The following LANCL3 variants were observed in gnomAD, a reference collection of about 807,000 sequenced individuals.
LANCL3 encodes lanC-like protein 3.
A neutral mutation model predicts 26.5 loss-of-function variants in LANCL3; 19 were observed. The ratio of observed to expected loss-of-function variants is 0.72; its 90% confidence interval spans 0.50 to 1.05. LANCL3 has a LOEUF of 1.05. LANCL3 is among the 50% of genes least tolerant of loss of function. The probability of loss-of-function intolerance (pLI) is 0.00; values close to 1 mark genes in which losing one functional copy is unlikely to be tolerated. For missense variants in LANCL3, 318 were observed against 362.7 expected (o/e 0.88, Z 1.00); for synonymous variants, 160 against 166.6 (o/e 0.96, Z 0.30).
At chrX:37,621,582 A>G (rs1315101712) in intron 1 of LANCL3, among the ~76,000 whole-genome samples, 4 of 112,496 alleles carry the variant, frequency 3.6e-5, no homozygotes, top group Admixed American at 1.9e-4. Flanking sequence ...ACTTTTTTCT[A>G]TTTTCCTCAG....
At position 37,678,561 on chromosome X, in the gene LANCL3, G is replaced by A. The variant is rs1239721104; in HGVS notation, c.*2748G>A. Reference sequence around the variant, plus strand: ...TATGCTTTGATAGCAAGACATTTTGGAAACCATTACAACTCTGTGTATTTT... The same window carrying A: ...TATGCTTTGATAGCAAGACATTTTGAAAACCATTACAACTCTGTGTATTTT... On this transcript the variant is annotated 3_prime_UTR_variant, in exon 5 of 5. Transcript: ENST00000378619. The A allele has an allele frequency of 1.8e-5, 2 of 111,342 alleles. No homozygotes were observed. Among genetic ancestry groups the A allele is most frequent in the Non-Finnish European group, 3.8e-5 (2 of 52,928 alleles). 9.2% of individuals were successfully genotyped at this position (111,342 alleles called of 1,213,427 possible).
intron 1 of LANCL3, among the ~76,000 whole-genome samples, chrX:37,585,263 G>A (rs1389539968): frequency 1.8e-5 from 2 of 111,838 alleles, no homozygotes; most frequent in Non-Finnish European, 3.8e-5. Flanking sequence ...TGAAAAGAAT[G>A]TCTATTCTGT....
intron 1 of LANCL3, among the ~76,000 whole-genome samples, chrX:37,626,960 G>A (rs912362788): frequency 8.1e-5 from 9 of 111,795 alleles, no homozygotes; most frequent in Non-Finnish European, 1.5e-4. Flanking sequence ...GAGTATTATG[G>A]GAAGGCTGTG....
chrX:37,606,893 C>T (rs1264881046), intron 1 of LANCL3, among the ~76,000 whole-genome samples: 2 of 112,514 alleles, frequency 1.8e-5, no homozygotes, highest in African/African-American at 6.4e-5. Flanking sequence ...CCCTTAAGAG[C>T]CCATTTGCTT....
rs1174780859 is a variant in LANCL3, at chrX:37,683,233, G to A, written c.*7420G>A. ...TACATTTCACAAACTGCACATTAGG[G>A]CAATTTCTTACTTATGAGGAGGTAC... On this transcript the variant is annotated 3_prime_UTR_variant, in exon 5 of 5. Coordinates refer to ENST00000378619, the MANE Select transcript of LANCL3 (RefSeq NM_001170331.2). The A allele has an allele frequency of 9.0e-6, 1 of 111,100 alleles. No homozygotes were observed. Among genetic ancestry groups the A allele is most frequent in the Non-Finnish European group, 1.9e-5 (1 of 52,932 alleles). 9.2% of individuals were successfully genotyped at this position (111,100 alleles called of 1,213,427 possible). A position where few individuals can be genotyped will look rare whatever the true frequency, so the allele number is the denominator to read the frequency against.
At chrX:37,589,943 C>G (rs374716407) in intron 1 of LANCL3, among the ~76,000 whole-genome samples, 2 of 112,231 alleles carry the variant, frequency 1.8e-5, no homozygotes, top group East Asian at 5.6e-4. Context: ...ATTGAGTGGG[C>G]ATCACCCCTA....
intron 1 of LANCL3, among the ~76,000 whole-genome samples, chrX:37,630,553 T>G (rs1337980281): frequency 9.3e-6 from 1 of 108,028 alleles, no homozygotes; most frequent in Admixed American, 1.0e-4. Flanking sequence ...ATGCTTCCAG[T>G]TTTTGCCCAT....
chrX:37,585,707 GT>G (rs1556417839), intron 1 of LANCL3, among the ~76,000 whole-genome samples: 2 of 111,377 alleles, frequency 1.8e-5, no homozygotes, highest in Non-Finnish European at 3.8e-5. Context: ...TGTGAGATGG[GT>G]TTCCTGAATA....
intron 1 of LANCL3, among the ~76,000 whole-genome samples, chrX:37,653,668 G>C (rs1195717697): frequency 1.8e-5 from 2 of 112,181 alleles, no homozygotes; most frequent in African/African-American, 6.5e-5. Flanking sequence ...AAGACACAAA[G>C]AGTAAATGTT....
intron 4 of LANCL3, among the ~76,000 whole-genome samples, chrX:37,670,145 A>C (rs1408750082): frequency 8.9e-6 from 1 of 112,111 alleles, no homozygotes; most frequent in African/African-American, 3.2e-5. Context: ...AAATTTTAGA[A>C]TTGAAGTCAT....
At chrX:37,626,067 T>G (rs1246738184) in intron 1 of LANCL3, among the ~76,000 whole-genome samples, 1 of 112,200 alleles carries the variant, frequency 8.9e-6, no homozygotes, top group Admixed American at 9.5e-5. Flanking sequence ...TGGAAAGCAG[T>G]ACAGTTACAT....
intron 1 of LANCL3, among the ~76,000 whole-genome samples, chrX:37,628,530 C>T (rs1456831815): frequency 8.5e-5 from 9 of 105,979 alleles, no homozygotes; most frequent in Non-Finnish European, 1.8e-4. Context: ...ATGTGCCATG[C>T]TGGTGTGCTG....
At chrX:37,624,957 C>T (rs781849754) in intron 1 of LANCL3, among the ~76,000 whole-genome samples, 4 of 111,795 alleles carry the variant, frequency 3.6e-5, no homozygotes, top group Non-Finnish European at 7.5e-5. Context: ...ACTTTCATGG[C>T]ACCCCCTTGT....
chrX:37,673,190 CT>C (rs1926722560), intron 4 of LANCL3, among the ~76,000 whole-genome samples: 1 of 111,248 alleles, frequency 9.0e-6, no homozygotes, highest in East Asian at 2.8e-4. Context: ...GCTATGTGCC[CT>C]TTGTGATTTC....
intron 1 of LANCL3, among the ~76,000 whole-genome samples, chrX:37,605,853 C>CT (rs1361282016): frequency 3.9e-4 from 44 of 111,862 alleles, no homozygotes; most frequent in African/African-American, 1.4e-3. Context: ...TCTGCATTTT[C>CT]TTTTTTTCTG....
At chrX:37,653,206 A>G (rs1926200520) in intron 1 of LANCL3, among the ~76,000 whole-genome samples, 1 of 111,095 alleles carries the variant, frequency 9.0e-6, no homozygotes, top group Non-Finnish European at 1.9e-5. Context: ...TTCGGGATAG[A>G]AAGAAAGGGG....
chrX:37,589,324 G>A (rs1924205269), intron 1 of LANCL3, among the ~76,000 whole-genome samples: 1 of 111,604 alleles, frequency 9.0e-6, no homozygotes, highest in African/African-American at 3.3e-5. Context: ...TTGACTTTAA[G>A]CAAGTTATTT....
chrX:37,590,240 T>G (rs1430108774), intron 1 of LANCL3, among the ~76,000 whole-genome samples: 1 of 112,768 alleles, frequency 8.9e-6, no homozygotes, highest in Non-Finnish European at 1.9e-5. Flanking sequence ...TTTCTAGAGA[T>G]AATTTGCTTA....
chrX:37,620,954 T>A (rs1452534651), intron 1 of LANCL3, among the ~76,000 whole-genome samples: 1 of 111,464 alleles, frequency 9.0e-6, no homozygotes, highest in Non-Finnish European at 1.9e-5. Flanking sequence ...CCTCTCCTAG[T>A]ACACTTCTGG....
Sources: allele counts gnomAD v4.1 joint callset (sites outside exome capture counted in the v4.1 genomes callset), GRCh38; gene constraint gnomAD v4.1.1; transcripts MANE v1.5; gene names NCBI Gene and HGNC (gene_info 2026-07-23, HGNC 2026-07-21).